Variants in DCDC1 observed in about 807,000 individuals in gnomAD.
DCDC1 encodes the protein doublecortin domain containing 1.
In DCDC1, 200 loss-of-function variants were observed where a neutral mutation model predicts 178.3. The observed-to-expected ratio is 1.12, with a 90% CI of 1.00 to 1.26. The LOEUF (loss-of-function observed/expected upper bound fraction) is 1.26. DCDC1 is among the 50% of genes most tolerant of loss of function. The pLI, the probability that DCDC1 is intolerant of heterozygous loss-of-function variation, is 0.00. For synonymous variants in DCDC1, 690 were observed against 604.8 expected, an observed-to-expected ratio of 1.14 and a Z score of -2.07; for missense variants, 1,983 against 1,749.2, an observed-to-expected ratio of 1.13 and a Z score of -2.38.
At chr11:31,209,895 G>A (rs1051357872) in intron 9 of DCDC1, among the ~76,000 whole-genome samples, 1 of 152,148 alleles carries the variant, frequency 6.6e-6, no homozygotes, top group African/African-American at 2.4e-5. Flanking sequence ...AAAAGAAAGA[G>A]GGACAGTCAG....
intron 1 of DCDC1, among the ~76,000 whole-genome samples, chr11:31,338,433 T>C (rs1325369906): frequency 6.6e-6 from 1 of 152,166 alleles, no homozygotes; most frequent in East Asian, 1.9e-4. Context: ...AGAACAGGCA[T>C]GTATGATCAA....
At chr11:30,942,620 GAT>G (rs1396830683) in intron 21 of DCDC1, among the ~76,000 whole-genome samples, 1 of 152,144 alleles carries the variant, frequency 6.6e-6, no homozygotes. Flanking sequence ...CTATATTTCT[GAT>G]GAACATATCT....
intron 20 of DCDC1, among the ~76,000 whole-genome samples, chr11:31,023,577 A>G (rs1348818689): frequency 6.6e-6 from 1 of 152,104 alleles, no homozygotes; most frequent in African/African-American, 2.4e-5. Flanking sequence ...TAATCTAGAA[A>G]CATATAATTA....
intron 9 of DCDC1, among the ~76,000 whole-genome samples, chr11:31,191,349 T>C (rs1469647402): frequency 6.6e-6 from 1 of 152,078 alleles, no homozygotes; most frequent in Non-Finnish European, 1.5e-5. Flanking sequence ...TGTCTTTCAA[T>C]TTTTTCCTTT....
chr11:31,039,964 C>CTAA (rs1954320704), intron 20 of DCDC1, among the ~76,000 whole-genome samples: 1 of 151,810 alleles, frequency 6.6e-6, no homozygotes, highest in Non-Finnish European at 1.5e-5. Flanking sequence ...AAACCTAACC[C>CTAA]CAAAGCATGA....
At chr11:30,968,711 T>TTATATTTATATATATATATATATATATA (rs1949596880) in intron 20 of DCDC1, among the ~76,000 whole-genome samples, 3 of 61,058 alleles carry the variant, frequency 4.9e-5, no homozygotes, top group African/African-American at 2.4e-4. Flanking sequence ...ATATATCAAA[T>TTATATTTATATATATATATATATATATA]TATATATATA....
intron 3 of DCDC1, among the ~76,000 whole-genome samples, chr11:31,326,296 G>A (rs12577026): frequency 0.15 from 22,512 of 151,978 alleles, 2,131 homozygotes; most frequent in Non-Finnish European, 0.21. Flanking sequence ...GTGTTAAACC[G>A]ACTAACAATC....
chr11:31,171,568 G>A (rs1297635130), intron 9 of DCDC1, among the ~76,000 whole-genome samples: 1 of 152,146 alleles, frequency 6.6e-6, no homozygotes, highest in Non-Finnish European at 1.5e-5. Flanking sequence ...CAGTCACAGT[G>A]GCAGAAGGAA....
chr11:31,262,099 T>A (rs1477160944), intron 8 of DCDC1, among the ~76,000 whole-genome samples: 1 of 151,848 alleles, frequency 6.6e-6, no homozygotes, highest in East Asian at 1.9e-4. Context: ...AGAGACTCCA[T>A]CTCTACAAAA....
intron 9 of DCDC1, among the ~76,000 whole-genome samples, chr11:31,196,351 TG>T (rs1970693792): frequency 2.0e-5 from 3 of 151,958 alleles, no homozygotes; most frequent in Non-Finnish European, 2.9e-5. Flanking sequence ...ACTAACTACC[TG>T]GAGTTATCAC....
intron 20 of DCDC1, among the ~76,000 whole-genome samples, chr11:31,003,787 C>T (rs1951697663): frequency 6.6e-6 from 1 of 152,080 alleles, no homozygotes; most frequent in South Asian, 2.1e-4. Flanking sequence ...CACTGAAGAA[C>T]ATTAAACAGG....
chr11:31,355,680 G>C (rs991845022), intron 1 of DCDC1, among the ~76,000 whole-genome samples: 3 of 152,086 alleles, frequency 2.0e-5, no homozygotes, highest in African/African-American at 7.2e-5. Context: ...CGATTCTCCT[G>C]CCTCAGCCTC....
At chr11:31,205,244 T>C (rs1032643820) in intron 9 of DCDC1, among the ~76,000 whole-genome samples, 1 of 152,218 alleles carries the variant, frequency 6.6e-6, no homozygotes, top group Non-Finnish European at 1.5e-5. Context: ...ACGTATTGTC[T>C]ATAGGTCCTT....
At chr11:30,901,305 A>G (rs1165724742) in intron 32 of DCDC1, among the ~76,000 whole-genome samples, 1 of 152,176 alleles carries the variant, frequency 6.6e-6, no homozygotes, top group Non-Finnish European at 1.5e-5. Context: ...CTTTACATAC[A>G]TCATCTCATG....
chr11:31,071,727 C>T (rs756600368), intron 18 of DCDC1, among the ~76,000 whole-genome samples: 1 of 152,122 alleles, frequency 6.6e-6, no homozygotes, highest in East Asian at 1.9e-4. Context: ...ATGCCACTTC[C>T]GAGATGAGGT....
chr11:31,340,720 G>C (rs1468074298), intron 1 of DCDC1, among the ~76,000 whole-genome samples: 3 of 152,106 alleles, frequency 2.0e-5, no homozygotes, highest in Non-Finnish European at 4.4e-5. Flanking sequence ...TCTTCCAGCA[G>C]GTTGTCTTTG....
intron 17 of DCDC1, among the ~76,000 whole-genome samples, chr11:31,078,353 G>C (rs1357097318): frequency 6.6e-6 from 1 of 152,144 alleles, no homozygotes; most frequent in Non-Finnish European, 1.5e-5. Flanking sequence ...TTCTGAAACA[G>C]CTAGAGAATT....
intron 38 of DCDC1, among the ~76,000 whole-genome samples, chr11:30,876,028 G>A (rs1565011648): frequency 6.6e-6 from 1 of 152,128 alleles, no homozygotes; most frequent in Non-Finnish European, 1.5e-5. Context: ...AGAGCGATGG[G>A]CAGAAAAATT....
In DCDC1 at chr11:30,900,440, A is replaced by C; in HGVS notation, c.4569T>G (p.Ser1523Arg). The C allele has an allele frequency of 6.4e-7, 1 of 1,567,974 alleles. No homozygotes were observed. Among genetic ancestry groups the C allele is most frequent in the Non-Finnish European group, 8.7e-7 (1 of 1,155,748 alleles). The change falls in exon 33 of 39, where the codon AGT (serine) becomes AGG (arginine). Residue 1523 changes from serine (S) to arginine (R), a missense_variant. Transcript: ENST00000684477. ...GCAAAGACTTGTCTATACCATCCAA[A>C]CTATCGGATGTCACAGATTTTGCAA... Reference protein sequence around the residue: ...RLFAKSVTSDSLDGIDKSLLT... With the variant: ...RLFAKSVTSDRLDGIDKSLLT...
Sources: gnomAD v4.1 joint callset for allele counts (sites outside exome capture counted in the v4.1 genomes callset) on GRCh38, gnomAD v4.1.1 for gene constraint, MANE v1.5 for transcripts, NCBI Gene and HGNC (gene_info 2026-07-23, HGNC 2026-07-21) for gene names.